The following MEI4 variants were observed in gnomAD, a reference collection of about 807,000 sequenced individuals.
The protein encoded by MEI4 is meiosis-specific protein MEI4.
A neutral mutation model predicts 31.4 loss-of-function variants in MEI4; 27 were observed. That is an observed-to-expected ratio of 0.86 (90% CI 0.63 to 1.19). The LOEUF is 1.19. Among genes scored for constraint, MEI4 ranks in the 50% most tolerant of loss-of-function variants. MEI4 has a pLI of 0.00. For synonymous variants in MEI4, 122 were observed against 145.4 expected (o/e 0.84, Z 1.16); for missense variants, 329 against 398.9 (o/e 0.82, Z 1.49).
At chr6:77,901,538 T>C (rs1208618410) in intron 4 of MEI4, among the ~76,000 whole-genome samples, 1 of 152,138 alleles carries the variant, frequency 6.6e-6, no homozygotes, top group Non-Finnish European at 1.5e-5. Flanking sequence ...GTTCAGGTCC[T>C]TTGCCCATTT....
At chr6:77,913,005 A>G (rs60173870) in intron 4 of MEI4, among the ~76,000 whole-genome samples, 1,734 of 152,132 alleles carry the variant, frequency 0.011, 31 homozygotes, top group African/African-American at 0.039. Flanking sequence ...AGTTTATTGA[A>G]CTTTCCCATT....
intron 1 of MEI4, among the ~76,000 whole-genome samples, chr6:77,676,274 A>C (rs1002632972): frequency 1.3e-5 from 2 of 152,236 alleles, no homozygotes; most frequent in East Asian, 3.9e-4. Flanking sequence ...TTGTAGTTGT[A>C]CTTTACTATG....
intron 4 of MEI4, among the ~76,000 whole-genome samples, chr6:77,870,402 G>A (rs1771162458): frequency 6.6e-6 from 1 of 152,164 alleles, no homozygotes; most frequent in Non-Finnish European, 1.5e-5. Flanking sequence ...AGGTTAGGTA[G>A]ACTAAATGCA....
chr6:77,743,242 C>T (rs1219642777), intron 2 of MEI4, among the ~76,000 whole-genome samples: 2 of 152,146 alleles, frequency 1.3e-5, no homozygotes, highest in African/African-American at 4.8e-5. Flanking sequence ...ATTGATTCTT[C>T]CTACCCATGA....
chr6:77,744,806 G>T (rs1479057318), intron 2 of MEI4, among the ~76,000 whole-genome samples: 1 of 152,180 alleles, frequency 6.6e-6, no homozygotes, highest in Non-Finnish European at 1.5e-5. Context: ...GAGAGTGGGG[G>T]CCAATATTCA....
At chr6:77,760,863 T>C (rs1388372956) in intron 2 of MEI4, among the ~76,000 whole-genome samples, 4 of 152,184 alleles carry the variant, frequency 2.6e-5, no homozygotes, top group Non-Finnish European at 5.9e-5. Flanking sequence ...CTTTCAAGCA[T>C]GGCATTGTAA....
At chr6:77,742,050 T>C (rs1397517929) in intron 2 of MEI4, among the ~76,000 whole-genome samples, 1 of 152,118 alleles carries the variant, frequency 6.6e-6, no homozygotes, top group Non-Finnish European at 1.5e-5. Context: ...TCCAAGTCTT[T>C]GCTATTGTGA....
chr6:77,780,958 C>T (rs891449789), intron 3 of MEI4, among the ~76,000 whole-genome samples: 5 of 152,060 alleles, frequency 3.3e-5, no homozygotes, highest in Non-Finnish European at 7.4e-5. Flanking sequence ...GTGATCATAG[C>T]TCATTGCAGC....
chr6:77,676,486 C>T (rs1046599976), intron 1 of MEI4, among the ~76,000 whole-genome samples: 3 of 151,972 alleles, frequency 2.0e-5, no homozygotes, highest in Non-Finnish European at 2.9e-5. Flanking sequence ...GTGATCATGC[C>T]ACTGCACTCC....
At chr6:77,896,493 C>T (rs1766087655) in intron 4 of MEI4, among the ~76,000 whole-genome samples, 1 of 151,944 alleles carries the variant, frequency 6.6e-6, no homozygotes, top group Admixed American at 6.6e-5. Context: ...ATTCAGATAA[C>T]CAGAGAATAT....
chr6:77,759,307 A>G lies in MEI4; in HGVS notation c.233-1823A>G, dbSNP rs143639353. On this transcript the variant is annotated intron_variant, in intron 2 of 4. Transcript: ENST00000684080. ...GATCCTATTCAGGGTATCTTTTTTG[A>G]TCCTTTGTTTACTCACTGCCCATAC... Among the ~76,000 whole-genome samples the G allele has an allele frequency of 2.6e-4, 40 of 151,664 alleles. No homozygotes were observed. In the East Asian group the frequency reaches 6.8e-3, roughly 26 times the overall value.
chr6:77,681,611 T>A (rs1488975283), intron 1 of MEI4, among the ~76,000 whole-genome samples: 3 of 152,172 alleles, frequency 2.0e-5, no homozygotes, highest in African/African-American at 7.2e-5. Context: ...CCATGTGAAA[T>A]TCTGCCAGAA....
At chr6:77,783,758 A>G (rs921984769) in intron 3 of MEI4, among the ~76,000 whole-genome samples, 1 of 152,156 alleles carries the variant, frequency 6.6e-6, no homozygotes, top group Non-Finnish European at 1.5e-5. Flanking sequence ...CCAGTAGGAT[A>G]TTCTTTTCAT....
intron 4 of MEI4, among the ~76,000 whole-genome samples, chr6:77,888,173 T>C (rs1771669537): frequency 6.6e-6 from 1 of 152,186 alleles, no homozygotes; most frequent in African/African-American, 2.4e-5. Context: ...GAACTTTTTG[T>C]ATGCAGCCTA....
At chr6:77,839,693 C>T (rs1001236134) in intron 4 of MEI4, among the ~76,000 whole-genome samples, 2 of 152,136 alleles carry the variant, frequency 1.3e-5, no homozygotes, top group African/African-American at 4.8e-5. Context: ...TACGCTGAAC[C>T]TAATTATTTT....
intron 4 of MEI4, among the ~76,000 whole-genome samples, chr6:77,864,547 T>A (rs1241834001): frequency 6.6e-6 from 1 of 152,172 alleles, no homozygotes; most frequent in Non-Finnish European, 1.5e-5. Flanking sequence ...TAAATATATA[T>A]GCACCCAATA....
At chr6:77,799,413 G>T (rs917259509) in intron 3 of MEI4, among the ~76,000 whole-genome samples, 1 of 151,880 alleles carries the variant, frequency 6.6e-6, no homozygotes, top group African/African-American at 2.4e-5. Flanking sequence ...AGATGAGTAG[G>T]TTGTGAAAAT....
chr6:77,833,452 G>A (rs1019400173), intron 4 of MEI4, among the ~76,000 whole-genome samples: 3 of 152,018 alleles, frequency 2.0e-5, no homozygotes, highest in African/African-American at 7.2e-5. Flanking sequence ...ATTTTCACAG[G>A]ATCAGCTTTC....
At chr6:77,732,673 G>T (rs564015718) in intron 2 of MEI4, among the ~76,000 whole-genome samples, 15 of 152,010 alleles carry the variant, frequency 9.9e-5, no homozygotes, top group Non-Finnish European at 2.1e-4. Flanking sequence ...TGTTGAATAG[G>T]AGTGGTGAGA....
Sources: gnomAD v4.1 joint callset for allele counts (sites outside exome capture counted in the v4.1 genomes callset) on GRCh38, gnomAD v4.1.1 for gene constraint, MANE v1.5 for transcripts, NCBI Gene and HGNC (gene_info 2026-07-23, HGNC 2026-07-21) for gene names.